Variants in PCDH7 observed in about 807,000 individuals in gnomAD.
The protein encoded by PCDH7 is protocadherin 7.
PCDH7 carries 17 observed loss-of-function variants against 58.9 expected under a neutral mutation model. The ratio of observed to expected loss-of-function variants is 0.29; its 90% CI spans 0.20 to 0.43. The LOEUF (loss-of-function observed/expected upper bound fraction) is 0.43. Ranked by LOEUF, PCDH7 falls within the 20% of genes least tolerant of loss-of-function variation. The probability of loss-of-function intolerance (pLI) is 1.00; values close to 1 mark genes in which losing one functional copy is unlikely to be tolerated. For missense variants in PCDH7, 1,274 were observed against 1,441.0 expected (o/e 0.88, Z 1.88); for synonymous variants, 664 against 616.4 (o/e 1.08, Z -1.14).
At chr4:30,842,979 C>T (rs188631326) in intron 1 of PCDH7, among the ~76,000 whole-genome samples, 8 of 151,932 alleles carry the variant, frequency 5.3e-5, no homozygotes, top group South Asian at 2.1e-4. Flanking sequence ...GAAGAAACAG[C>T]GTCTGTCTTA....
chr4:31,101,239 G>A (rs1714856405), intron 3 of PCDH7, among the ~76,000 whole-genome samples: 1 of 152,050 alleles, frequency 6.6e-6, no homozygotes. Flanking sequence ...GTTTAAATTT[G>A]AATTGTCAAA....
chr4:30,766,560 A>C (rs1381464370), intron 1 of PCDH7, among the ~76,000 whole-genome samples: 1 of 152,090 alleles, frequency 6.6e-6, no homozygotes, highest in East Asian at 1.9e-4. Context: ...AGATTTTTAA[A>C]TCCATTCAAC....
At chr4:31,050,567 A>G (rs1756654993) in intron 3 of PCDH7, among the ~76,000 whole-genome samples, 1 of 152,146 alleles carries the variant, frequency 6.6e-6, no homozygotes, top group Admixed American at 6.6e-5. Flanking sequence ...TTGTTCAAGT[A>G]TTGATTAGGC....
At chr4:30,990,318 T>A (rs1188098753) in intron 3 of PCDH7, among the ~76,000 whole-genome samples, 1 of 152,018 alleles carries the variant, frequency 6.6e-6, no homozygotes, top group Non-Finnish European at 1.5e-5. Flanking sequence ...ACACACTATA[T>A]ATACACAATA....
At chr4:30,906,171 A>G (rs1740891960) in intron 1 of PCDH7, among the ~76,000 whole-genome samples, 1 of 152,222 alleles carries the variant, frequency 6.6e-6, no homozygotes, top group African/African-American at 2.4e-5. Flanking sequence ...GGAATTTCTC[A>G]ATAAGTGAAC....
intron 1 of PCDH7, among the ~76,000 whole-genome samples, chr4:30,919,880 T>C (rs1428894827): frequency 6.6e-6 from 1 of 152,212 alleles, no homozygotes; most frequent in East Asian, 1.9e-4. Flanking sequence ...TATGTGGAAC[T>C]AACATATCAG....
chr4:31,076,019 T>C (rs1025575082), intron 3 of PCDH7, among the ~76,000 whole-genome samples: 1 of 152,200 alleles, frequency 6.6e-6, no homozygotes, highest in East Asian at 1.9e-4. Flanking sequence ...TATTTGTATC[T>C]CTAAAATATC....
intron 1 of PCDH7, among the ~76,000 whole-genome samples, chr4:30,794,475 A>G (rs1254962440): frequency 1.3e-5 from 2 of 152,174 alleles, no homozygotes; most frequent in African/African-American, 2.4e-5. Flanking sequence ...CTCTTTTGGC[A>G]GTTAATCTAT....
At chr4:31,037,957 A>G (rs577136449) in intron 3 of PCDH7, among the ~76,000 whole-genome samples, 1 of 152,372 alleles carries the variant, frequency 6.6e-6, no homozygotes, top group South Asian at 2.1e-4. Flanking sequence ...ATTGACACAG[A>G]AAGACAGCAA....
At chr4:30,847,507 C>A (rs1732141092) in intron 1 of PCDH7, among the ~76,000 whole-genome samples, 1 of 152,100 alleles carries the variant, frequency 6.6e-6, no homozygotes, top group Non-Finnish European at 1.5e-5. Context: ...TGTTTGTTTG[C>A]CTTCACATAG....
At chr4:31,094,289 A>C (rs1201272640) in intron 3 of PCDH7, among the ~76,000 whole-genome samples, 1 of 152,110 alleles carries the variant, frequency 6.6e-6, no homozygotes, top group South Asian at 2.1e-4. Context: ...TCTCTAGAAC[A>C]GAAACATTCC....
At chr4:31,039,500 G>A (rs960834181) in intron 3 of PCDH7, among the ~76,000 whole-genome samples, 4 of 152,042 alleles carry the variant, frequency 2.6e-5, no homozygotes, top group African/African-American at 9.7e-5. Flanking sequence ...GAGCTCACAC[G>A]ATCCTCCTTC....
At chr4:30,867,424 C>T (rs1735014074) in intron 1 of PCDH7, among the ~76,000 whole-genome samples, 1 of 152,084 alleles carries the variant, frequency 6.6e-6, no homozygotes, top group Non-Finnish European at 1.5e-5. Flanking sequence ...TCCTATACTT[C>T]AGGGCACCTA....
intron 1 of PCDH7, among the ~76,000 whole-genome samples, chr4:30,739,013 AC>A (rs1160659307): frequency 6.6e-6 from 1 of 151,496 alleles, no homozygotes; most frequent in Non-Finnish European, 1.5e-5. Context: ...CAATCCATGG[AC>A]AAATTAAAAA....
intron 1 of PCDH7, among the ~76,000 whole-genome samples, chr4:30,828,572 A>AC (rs1334951177): frequency 6.6e-6 from 1 of 152,078 alleles, no homozygotes; most frequent in Non-Finnish European, 1.5e-5. Flanking sequence ...CCAAAAAAAA[A>AC]AGGTAATGAA....
At chr4:30,852,981 G>T (rs1017229055) in intron 1 of PCDH7, among the ~76,000 whole-genome samples, 4 of 152,010 alleles carry the variant, frequency 2.6e-5, no homozygotes, top group African/African-American at 9.7e-5. Flanking sequence ...AGATTGATTG[G>T]TAATGGCTTT....
At chr4:30,968,886 A>G (rs1749289612) in intron 3 of PCDH7, among the ~76,000 whole-genome samples, 1 of 152,294 alleles carries the variant, frequency 6.6e-6, no homozygotes, top group Non-Finnish European at 1.5e-5. Context: ...TTACCCTGTT[A>G]CAATTTTTCT....
intron 1 of PCDH7, among the ~76,000 whole-genome samples, chr4:30,874,358 T>C (rs573411213): frequency 6.6e-6 from 1 of 152,074 alleles, no homozygotes; most frequent in Non-Finnish European, 1.5e-5. Flanking sequence ...TGGAATACTA[T>C]GCAGCCATAA....
chr4:30,721,786 A>G lies in PCDH7; in HGVS notation c.364A>G (p.Ser122Gly). 6.2e-7 allele frequency: 1 copy of G among 1,613,370 alleles called. No individual in the cohort carries two copies. Among genetic ancestry groups the G allele is most frequent in the Non-Finnish European group, 8.5e-7 (1 of 1,179,854 alleles). Residue 122 changes from serine to glycine, a missense_variant, in exon 1 of 2, where the codon AGC (serine) becomes GGC (glycine). Coordinates refer to ENST00000361762, the Ensembl canonical transcript of PCDH7. The surrounding 1 kb of genome is among the most constrained non-coding windows in gnomAD (Gnocchi z 6.7). ...GGTGTCGGTGATCGGGCCCTCGCAG[A>G]GCTGGGTGGACCTGTTTGAGGGTCA...
Sources: allele counts gnomAD v4.1 joint callset (sites outside exome capture counted in the v4.1 genomes callset), GRCh38; gene constraint gnomAD v4.1.1; non-coding constraint Gnocchi (gnomAD v3.1); transcripts MANE v1.5; gene names NCBI Gene and HGNC (gene_info 2026-07-23, HGNC 2026-07-21).